The following TRPM1 variants were observed in gnomAD, a reference collection of about 807,000 sequenced individuals.
TRPM1 encodes the protein TRPM1-203 APA Isoform, Intron 10.
TRPM1 carries 113 observed loss-of-function variants against 149.4 expected under a neutral mutation model. The observed-to-expected ratio is 0.76, with a 90% confidence interval of 0.65 to 0.88. TRPM1 has a LOEUF of 0.88. Ranked by LOEUF, TRPM1 falls within the 40% of genes least tolerant of loss-of-function variation. The pLI is 0.00. For synonymous variants in TRPM1, 741 were observed against 759.5 expected, an observed-to-expected ratio of 0.98 and a Z score of 0.40; for missense variants, 1,976 against 2,038.7, an observed-to-expected ratio of 0.97 and a Z score of 0.59.
chr15:31,126,713 C>T (rs2141039062), intron 1 of TRPM1, among the ~76,000 whole-genome samples: 1 of 152,260 alleles, frequency 6.6e-6, no homozygotes, highest in African/African-American at 2.4e-5. Context: ...CCTGTAATCC[C>T]AGCACTTTGG....
intron 27 of TRPM1, among the ~76,000 whole-genome samples, chr15:31,014,460 C>T (rs2032289485): frequency 6.6e-6 from 1 of 152,174 alleles, no homozygotes; most frequent in South Asian, 2.1e-4. Context: ...AAGGTGACTA[C>T]TCAACTGGAG....
At chr15:31,003,095 T>C (rs768998571) in intron 27 of TRPM1, 25 bp from the exon 28 acceptor site, 61 of 1,580,148 alleles carry the variant, frequency 3.9e-5, no homozygotes, top group Non-Finnish European at 5.2e-5. Flanking sequence ...GGGATAGATT[T>C]ATTAAACTGA....
At chr15:31,104,663 G>A (rs993556307), upstream of TRPM1, among the ~76,000 whole-genome samples, 13 of 139,134 alleles carry the variant, frequency 9.3e-5, no homozygotes, top group African/African-American at 3.3e-4. Flanking sequence ...GCGCCATCTC[G>A]GCTCACTGCA....
At chr15:31,026,378 A>G in intron 26 of TRPM1, 107 bp from the exon 27 acceptor site, 3 of 1,379,658 alleles carry the variant, frequency 2.2e-6, no homozygotes, top group Non-Finnish European at 3.0e-6. Flanking sequence ...CTTCTCCGCC[A>G]CTCCTAAGGC....
intron 1 of TRPM1, among the ~76,000 whole-genome samples, chr15:31,095,513 C>T (rs1325162401): frequency 2.0e-5 from 3 of 150,434 alleles, no homozygotes; most frequent in Admixed American, 6.6e-5. Flanking sequence ...GGTGAAACCT[C>T]GTCTCTACTA....
chr15:31,095,578 G>A (rs1184500269), intron 1 of TRPM1, among the ~76,000 whole-genome samples: 2 of 151,758 alleles, frequency 1.3e-5, no homozygotes, highest in African/African-American at 2.4e-5. Context: ...CCAGCTACTC[G>A]GGAGGCTGAG....
chr15:31,159,404 G>C (rs1451660082), intron 1 of TRPM1, among the ~76,000 whole-genome samples: 1 of 152,232 alleles, frequency 6.6e-6, no homozygotes, highest in Non-Finnish European at 1.5e-5. Flanking sequence ...GTGCTGGGGA[G>C]GAGGAGGTCA....
rs181153432 is a variant in TRPM1, at chr15:31,038,027, T to A, written c.2439+17A>T. The A allele has an allele frequency of 3.7e-6, 6 of 1,614,082 alleles. No homozygotes were observed. The highest frequency in any genetic ancestry group is 3.3e-5 in the Admixed American group (2 of 60,024). The stretch of plus-strand genomic sequence containing the variant: ...CAAGATTACACTGATATGCTTAGGG[T>A]CAAGTGTGTCACTGACCGTATTTTC... On this transcript the variant is annotated intron_variant, in intron 19 of 27. Coordinates refer to ENST00000256552, the MANE Select transcript of TRPM1 (RefSeq NM_001252024.2).
At chr15:31,150,007 A>G (rs1442768892) in intron 1 of TRPM1, among the ~76,000 whole-genome samples, 1 of 152,200 alleles carries the variant, frequency 6.6e-6, no homozygotes, top group Non-Finnish European at 1.5e-5. Context: ...CGGCAGAAGG[A>G]GGAGCCCATC....
At chr15:31,026,841 T>G in intron 26 of TRPM1, 74 bp downstream of exon 26, 4 of 1,508,356 alleles carry the variant, frequency 2.7e-6, no homozygotes, top group Non-Finnish European at 3.7e-6. Flanking sequence ...TTGAGTGAGA[T>G]TTCTGTGAGG....
chr15:31,049,331 A>G (rs1426326940), intron 13 of TRPM1, 44 bp downstream of exon 13: 1 of 1,613,846 alleles, frequency 6.2e-7, no homozygotes, highest in Non-Finnish European at 8.5e-7. Context: ...AAACACATTT[A>G]GGTGGCTGCC....
chr15:31,113,861 G>GA (rs1567063354), intron 1 of TRPM1, among the ~76,000 whole-genome samples: 1 of 151,472 alleles, frequency 6.6e-6, no homozygotes, highest in Admixed American at 6.6e-5. Flanking sequence ...GCTCCCACAC[G>GA]CTGGAAGGGT....
chr15:31,030,574 G>A (rs1334308768), intron 23 of TRPM1, among the ~76,000 whole-genome samples: 1 of 152,158 alleles, frequency 6.6e-6, no homozygotes, highest in East Asian at 1.9e-4. Context: ...TGTGGAAAAT[G>A]GGCTCTGATG....
intron 2 of TRPM1, among the ~76,000 whole-genome samples, chr15:31,077,831 CTG>C (rs1157963678): frequency 6.6e-6 from 1 of 151,266 alleles, no homozygotes; most frequent in Non-Finnish European, 1.5e-5. Context: ...TGTGATGAGT[CTG>C]TATGTGAGTG....
At chr15:31,102,123 T>C (rs947196378), upstream of TRPM1, among the ~76,000 whole-genome samples, 24 of 152,236 alleles carry the variant, frequency 1.6e-4, no homozygotes, top group Non-Finnish European at 4.4e-5. Flanking sequence ...ATGGCACTAA[T>C]TACTGCTAAT....
chr15:31,072,442 A>G (rs2034584692), intron 3 of TRPM1, among the ~76,000 whole-genome samples: 1 of 152,154 alleles, frequency 6.6e-6, no homozygotes, highest in South Asian at 2.1e-4. Context: ...CATTTGGGCT[A>G]TTCGCACTCT....
At chr15:31,032,327 A>T (rs1372736482) in intron 22 of TRPM1, among the ~76,000 whole-genome samples, 1 of 152,100 alleles carries the variant, frequency 6.6e-6, no homozygotes, top group Non-Finnish European at 1.5e-5. Flanking sequence ...CCTACAGTTG[A>T]GATATGGTAT....
intron 17 of TRPM1, among the ~76,000 whole-genome samples, chr15:31,041,420 G>C (rs1453066776): frequency 1.3e-5 from 2 of 152,162 alleles, no homozygotes; most frequent in Non-Finnish European, 2.9e-5. Flanking sequence ...AAAGTGCTGG[G>C]ATTACAGGCA....
intron 1 of TRPM1, among the ~76,000 whole-genome samples, chr15:31,082,315 A>G (rs2034882486): frequency 6.6e-6 from 1 of 152,200 alleles, no homozygotes; most frequent in Admixed American, 6.5e-5. Flanking sequence ...TGAGATTTTA[A>G]GAGTGCTTGT....
Sources: gnomAD v4.1 joint callset for allele counts (sites outside exome capture counted in the v4.1 genomes callset) on GRCh38, gnomAD v4.1.1 for gene constraint, MANE v1.5 for transcripts, NCBI Gene and HGNC (gene_info 2026-07-23, HGNC 2026-07-21) for gene names.